LSAMP: variants seen among roughly 807,000 people sequenced by gnomAD.
LSAMP encodes the protein limbic system associated membrane protein, also known as limbic system-associated membrane protein.
In LSAMP, 7 loss-of-function variants were observed where a neutral mutation model predicts 38.6. The ratio of observed to expected loss-of-function variants is 0.18; its 90% confidence interval spans 0.10 to 0.34. LSAMP has a LOEUF of 0.34. Among genes scored for constraint, LSAMP ranks in the 10% least tolerant of loss-of-function variants. LSAMP has a pLI of 1.00. For missense variants in LSAMP, 313 were observed against 420.0 expected, an observed-to-expected ratio of 0.75 and a Z score of 2.23; for synonymous variants, 154 against 166.8, an observed-to-expected ratio of 0.92 and a Z score of 0.59.
chr3:115,980,667 T>C (rs1236350610), intron 3 of LSAMP, among the ~76,000 whole-genome samples: 1 of 152,196 alleles, frequency 6.6e-6, no homozygotes, highest in East Asian at 1.9e-4. Flanking sequence ...GGTTATTACC[T>C]GTACTGAGTC....
intron 2 of LSAMP, among the ~76,000 whole-genome samples, chr3:116,028,056 C>A (rs1192455902): frequency 1.3e-5 from 2 of 152,090 alleles, no homozygotes; most frequent in African/African-American, 4.8e-5. Context: ...AAAGCTTAAG[C>A]CCTGTTTATT....
At chr3:116,341,890 G>C (rs1215618305) in intron 1 of LSAMP, among the ~76,000 whole-genome samples, 1 of 151,998 alleles carries the variant, frequency 6.6e-6, no homozygotes, top group East Asian at 1.9e-4. Context: ...TGTATTTATG[G>C]AAAAAGGTTA....
intron 1 of LSAMP, among the ~76,000 whole-genome samples, chr3:116,296,176 T>G (rs978413298): frequency 6.6e-6 from 1 of 152,198 alleles, no homozygotes; most frequent in African/African-American, 2.4e-5. Context: ...AAACTTTGAG[T>G]GTAAAGAAGA....
At chr3:115,839,665 C>G (rs1335923463) in intron 6 of LSAMP, among the ~76,000 whole-genome samples, 1 of 152,172 alleles carries the variant, frequency 6.6e-6, no homozygotes, top group Non-Finnish European at 1.5e-5. Flanking sequence ...AGTGGGACAT[C>G]TATTCTAAAC....
chr3:115,922,281 G>C (rs1320551042), intron 3 of LSAMP, among the ~76,000 whole-genome samples: 1 of 151,370 alleles, frequency 6.6e-6, no homozygotes, highest in Admixed American at 6.6e-5. Flanking sequence ...TTTTCTTTTT[G>C]TTCTTCTGAC....
chr3:115,933,772 T>C (rs1937620408), intron 3 of LSAMP, among the ~76,000 whole-genome samples: 1 of 152,158 alleles, frequency 6.6e-6, no homozygotes. Flanking sequence ...TAAGATGTTA[T>C]TGAAACAAAC....
In LSAMP at chr3:115,803,460, A is replaced by G. The variant is rs141078903; in HGVS notation, c.*6857T>C. 3.3e-5 allele frequency: 5 copies of G among 152,334 alleles called. No homozygotes were observed. In the East Asian group the frequency reaches 7.7e-4, roughly 24 times the overall value. The allele number at this position is 152,334 out of a possible 1,614,324, so 9.4% of individuals were successfully genotyped here. ...GATCTGTGCTCAATGCATCTAGAACATGGCACAAGAAAATAATTCCTTATT... is the reference window on the plus strand; with the variant it reads ...GATCTGTGCTCAATGCATCTAGAACGTGGCACAAGAAAATAATTCCTTATT... On this transcript the variant is annotated 3_prime_UTR_variant, in exon 7 of 7. Coordinates refer to ENST00000490035, the MANE Select transcript of LSAMP (RefSeq NM_002338.5).
intron 1 of LSAMP, among the ~76,000 whole-genome samples, chr3:116,422,703 T>G (rs2049143724): frequency 6.6e-6 from 1 of 152,208 alleles, no homozygotes. Context: ...GATAATGAAT[T>G]GAAATGAATA....
chr3:116,115,216 G>A (rs570234773), intron 1 of LSAMP, among the ~76,000 whole-genome samples: 1 of 152,326 alleles, frequency 6.6e-6, no homozygotes, highest in South Asian at 2.1e-4. Context: ...AGCTGAAAGG[G>A]GCTTTAATAA....
intron 3 of LSAMP, among the ~76,000 whole-genome samples, chr3:115,958,057 A>G (rs1938507232): frequency 6.6e-6 from 1 of 152,150 alleles, no homozygotes; most frequent in Non-Finnish European, 1.5e-5. Context: ...TATTTTTTAG[A>G]TGAGCATACT....
chr3:115,973,899 G>A lies in LSAMP; in HGVS notation c.514+45616C>T, dbSNP rs1169542817. On this transcript the variant is annotated intron_variant, in intron 3 of 6. Coordinates refer to ENST00000490035, the MANE Select transcript of LSAMP (RefSeq NM_002338.5). The stretch of plus-strand genomic sequence containing the variant: ...GTCATGTTGGTACTCAAAAACTTTG[G>A]AATTTTTGAAAATTTGAATTTTGAA... 2.0e-5 allele frequency among the ~76,000 whole-genome samples: 3 copies of A among 152,118 alleles called. No individual in the cohort carries two copies. The East Asian group carries it at 5.8e-4, about 29-fold the overall frequency.
At chr3:116,218,149 G>T (rs536262263) in intron 1 of LSAMP, among the ~76,000 whole-genome samples, 16 of 152,152 alleles carry the variant, frequency 1.1e-4, no homozygotes, top group African/African-American at 2.7e-4. Context: ...AGTGGGAGTT[G>T]TCCTTCCATG....
intron 3 of LSAMP, among the ~76,000 whole-genome samples, chr3:115,860,822 T>C (rs11927362): frequency 0.27 from 41,192 of 151,860 alleles, 5,772 homozygotes; most frequent in Non-Finnish European, 0.31. Flanking sequence ...GAGAAAAAAT[T>C]AGGGCTGGCA....
intron 1 of LSAMP, among the ~76,000 whole-genome samples, chr3:116,329,451 C>T (rs2047819986): frequency 6.6e-6 from 1 of 152,098 alleles, no homozygotes; most frequent in Non-Finnish European, 1.5e-5. Flanking sequence ...AAGAGTATGA[C>T]TGAAAATTGT....
At chr3:116,006,998 A>G (rs1940178702) in intron 3 of LSAMP, among the ~76,000 whole-genome samples, 1 of 152,244 alleles carries the variant, frequency 6.6e-6, no homozygotes, top group Non-Finnish European at 1.5e-5. Context: ...ATTAAAGAAA[A>G]AAAGACTGAT....
chr3:116,214,479 A>T (rs1219699835), intron 1 of LSAMP, among the ~76,000 whole-genome samples: 1 of 151,578 alleles, frequency 6.6e-6, no homozygotes, highest in African/African-American at 2.4e-5. Flanking sequence ...TGAGCCCTCA[A>T]ATAAAGAGTA....
intron 2 of LSAMP, among the ~76,000 whole-genome samples, chr3:116,070,984 G>A (rs1012394367): frequency 3.3e-5 from 5 of 151,608 alleles, no homozygotes; most frequent in African/African-American, 1.2e-4. Flanking sequence ...AGGTTGCAGT[G>A]AGCCGAGATT....
chr3:115,936,564 G>A (rs1049288081), intron 3 of LSAMP, among the ~76,000 whole-genome samples: 2 of 152,052 alleles, frequency 1.3e-5, no homozygotes, highest in Non-Finnish European at 2.9e-5. Context: ...CTTTCAGGGA[G>A]GTGACAAAGA....
intron 2 of LSAMP, among the ~76,000 whole-genome samples, chr3:116,081,327 G>A (rs772125419): frequency 4.6e-5 from 7 of 151,916 alleles, no homozygotes; most frequent in African/African-American, 7.3e-5. Flanking sequence ...GATGGCACGC[G>A]CCTGTAGTCC....
Sources: gnomAD v4.1 joint callset for allele counts (sites outside exome capture counted in the v4.1 genomes callset) on GRCh38, gnomAD v4.1.1 for gene constraint, MANE v1.5 for transcripts, NCBI Gene and HGNC (gene_info 2026-07-23, HGNC 2026-07-21) for gene names.